DNAJC3: variants seen among roughly 807,000 people sequenced by gnomAD.
DNAJC3 encodes the protein dnaJ homolog subfamily C member 3.
A neutral mutation model predicts 68.6 loss-of-function variants in DNAJC3; 38 were observed. The observed-to-expected ratio is 0.55, with a 90% confidence interval of 0.43 to 0.73. The LOEUF (loss-of-function observed/expected upper bound fraction) is 0.73. Among genes scored for constraint, DNAJC3 ranks in the 30% least tolerant of loss-of-function variants. The probability of loss-of-function intolerance (pLI) is 0.00; values close to 1 mark genes in which losing one functional copy is unlikely to be tolerated. For missense variants in DNAJC3, 526 were observed against 591.9 expected (o/e 0.89, Z 1.16); for synonymous variants, 203 against 204.0 (o/e 1.00, Z 0.04).
chr13:95,733,384 A>G (rs1415421942), intron 4 of DNAJC3, among the ~76,000 whole-genome samples: 1 of 151,964 alleles, frequency 6.6e-6, no homozygotes, highest in Non-Finnish European at 1.5e-5. Flanking sequence ...TTATTATATA[A>G]TGACTTTTGT....
In DNAJC3 at chr13:95,740,720, C is replaced by T. The variant is rs774262902; in HGVS notation, c.393+15468C>T. ...ACCTGCGCCCACTGTCTGGCACTCCCTAGTGAGATGAACCCGGTACCTCAG... is the reference window on the plus strand; with the variant it reads ...ACCTGCGCCCACTGTCTGGCACTCCTTAGTGAGATGAACCCGGTACCTCAG... On this transcript the variant is annotated intron_variant, in intron 4 of 11. Transcript: ENST00000602402. Among the ~76,000 whole-genome samples the T allele has an allele frequency of 1.1e-3, 163 of 152,340 alleles. 1 individual carries two copies. Among genetic ancestry groups the T allele is most frequent in the Non-Finnish European group, 1.4e-3 (98 of 68,032 alleles).
At chr13:95,688,213 A>G (rs1433187524) in intron 1 of DNAJC3, among the ~76,000 whole-genome samples, 1 of 152,142 alleles carries the variant, frequency 6.6e-6, no homozygotes, top group Non-Finnish European at 1.5e-5. Context: ...ATAGAATCAT[A>G]TAATCACTGA....
In DNAJC3 at chr13:95,757,941, G is replaced by T. The variant is rs561897500; in HGVS notation, c.546+145G>T. 275 of 882,652 alleles carry T rather than the reference G, an allele frequency of 3.1e-4. 1 individual carries two copies. Among genetic ancestry groups the T allele is most frequent in the Admixed American group, 7.6e-4 (26 of 34,214 alleles). 54.7% of individuals were successfully genotyped at this position (882,652 alleles called of 1,614,324 possible). ...GCTTTTGCCTCTTAAGTATAAAATA[G>T]TGTTCCTAGACAACAAAATTTGGAC... On this transcript the variant is annotated intron_variant, in intron 5 of 11. Transcript: ENST00000602402.
chr13:95,769,094 C>T (rs1301130745), intron 9 of DNAJC3, among the ~76,000 whole-genome samples: 2 of 152,256 alleles, frequency 1.3e-5, no homozygotes, highest in Admixed American at 6.5e-5. Flanking sequence ...AACACAGCTG[C>T]GTTTTAGTAA....
intron 1 of DNAJC3, among the ~76,000 whole-genome samples, chr13:95,683,652 C>T (rs1879986692): frequency 6.6e-6 from 1 of 151,858 alleles, no homozygotes; most frequent in East Asian, 1.9e-4. Flanking sequence ...TCCGGCTGGG[C>T]ACTGTGGCTC....
intron 10 of DNAJC3, 85 bp from the exon 11 acceptor site, chr13:95,786,922 T>C (rs1883618373): frequency 2.0e-6 from 3 of 1,499,052 alleles, no homozygotes; most frequent in Admixed American, 4.5e-5. Flanking sequence ...TAATTGCCAG[T>C]AGGATCTTAA....
intron 9 of DNAJC3, among the ~76,000 whole-genome samples, chr13:95,771,080 T>C (rs1883144659): frequency 6.6e-6 from 1 of 152,172 alleles, no homozygotes; most frequent in Non-Finnish European, 1.5e-5. Flanking sequence ...TCTCTAGCCC[T>C]CCATTTATCC....
intron 9 of DNAJC3, among the ~76,000 whole-genome samples, chr13:95,775,267 T>C (rs527736829): frequency 1.3e-5 from 2 of 152,372 alleles, no homozygotes; most frequent in Non-Finnish European, 2.9e-5. Flanking sequence ...ATTAGTTTAA[T>C]AGTTTCTAAT....
At chr13:95,712,752 G>A (rs934140741) in intron 2 of DNAJC3, among the ~76,000 whole-genome samples, 2 of 151,900 alleles carry the variant, frequency 1.3e-5, no homozygotes, top group Non-Finnish European at 1.5e-5. Flanking sequence ...TTTTTGTGTT[G>A]GTGTTGATTC....
chr13:95,738,932 A>G (rs1242677323), intron 4 of DNAJC3, among the ~76,000 whole-genome samples: 2 of 151,358 alleles, frequency 1.3e-5, no homozygotes, highest in African/African-American at 2.4e-5. Flanking sequence ...TGGTCTTTAC[A>G]TTTTGGCATG....
At chr13:95,710,026 G>A (rs956741747) in intron 2 of DNAJC3, among the ~76,000 whole-genome samples, 7 of 152,126 alleles carry the variant, frequency 4.6e-5, no homozygotes, top group Non-Finnish European at 8.8e-5. Context: ...TGATATCCTT[G>A]GGAGATGCTG....
At chr13:95,777,393 T>C (rs185324355) in intron 9 of DNAJC3, among the ~76,000 whole-genome samples, 18 of 152,320 alleles carry the variant, frequency 1.2e-4, no homozygotes, top group Admixed American at 3.3e-4. Flanking sequence ...TCAGTCTAGA[T>C]CCATCTTTCA....
chr13:95,763,464 T>C (rs1350241453), intron 7 of DNAJC3, among the ~76,000 whole-genome samples, 179 bp from the exon 8 acceptor site: 2 of 152,230 alleles, frequency 1.3e-5, no homozygotes, highest in Admixed American at 6.5e-5. Flanking sequence ...TTCCTAACTC[T>C]TAATTATGGA....
chr13:95,682,934 T>C (rs1879961645), intron 1 of DNAJC3, among the ~76,000 whole-genome samples: 1 of 152,190 alleles, frequency 6.6e-6, no homozygotes, highest in African/African-American at 2.4e-5. Context: ...ACCCACTATG[T>C]GCGGGATACT....
intron 9 of DNAJC3, among the ~76,000 whole-genome samples, chr13:95,764,685 C>CATATAT (rs1423737109): frequency 1.3e-5 from 1 of 75,406 alleles, no homozygotes; most frequent in Non-Finnish European, 2.7e-5. Context: ...TATATATATA[C>CATATAT]ACACACACAC....
intron 2 of DNAJC3, among the ~76,000 whole-genome samples, chr13:95,722,828 CCCCCCCCCCCCG>C (rs1566484032): frequency 9.7e-5 from 3 of 30,964 alleles, no homozygotes; most frequent in Admixed American, 2.0e-4. Context: ...CCCCCCCCCC[CCCCCCCCCCCCG>C]CCGAAAAAGG....
chr13:95,769,610 GAATA>G (rs778409369), intron 9 of DNAJC3, among the ~76,000 whole-genome samples: 14 of 152,300 alleles, frequency 9.2e-5, no homozygotes, highest in Non-Finnish European at 2.1e-4. Context: ...CAGGTGGTTA[GAATA>G]AATGGCTAGT....
At chr13:95,771,281 C>T (rs113613802) in intron 9 of DNAJC3, among the ~76,000 whole-genome samples, 3 of 152,222 alleles carry the variant, frequency 2.0e-5, no homozygotes, top group East Asian at 3.9e-4. Flanking sequence ...GATACCCATG[C>T]GACATGTTAA....
intron 1 of DNAJC3, among the ~76,000 whole-genome samples, chr13:95,696,203 G>A (rs952314895): frequency 2.0e-5 from 3 of 152,182 alleles, no homozygotes; most frequent in African/African-American, 4.8e-5. Context: ...ATTCACTGAC[G>A]TAGTGTATTT....
Sources: allele counts gnomAD v4.1 joint callset (sites outside exome capture counted in the v4.1 genomes callset), GRCh38; gene constraint gnomAD v4.1.1; transcripts MANE v1.5; gene names NCBI Gene and HGNC (gene_info 2026-07-23, HGNC 2026-07-21).